Variants in NLGN1 observed in about 807,000 individuals in gnomAD.
NLGN1 encodes the protein neuroligin 1.
NLGN1 carries 12 observed loss-of-function variants against 65.5 expected under a neutral mutation model. The observed-to-expected ratio is 0.18, with a 90% CI of 0.12 to 0.30. NLGN1 has a LOEUF of 0.30. NLGN1 is among the 10% of genes least tolerant of loss of function. The probability of loss-of-function intolerance (pLI) is 1.00; values close to 1 mark genes in which losing one functional copy is unlikely to be tolerated. For missense variants in NLGN1, 750 were observed against 1,007.1 expected (o/e 0.74, Z 3.46); for synonymous variants, 350 against 359.5 (o/e 0.97, Z 0.30).
intron 3 of NLGN1, among the ~76,000 whole-genome samples, chr3:173,722,241 C>CTTTTTTT (rs58327862): frequency 5.0e-5 from 5 of 100,104 alleles, no homozygotes; most frequent in Non-Finnish European, 7.7e-5. Flanking sequence ...TCTTCTTCTT[C>CTTTTTTT]TTTTTTTTTT....
chr3:173,974,071 G>C (rs1240910199), intron 4 of NLGN1, among the ~76,000 whole-genome samples: 1 of 151,922 alleles, frequency 6.6e-6, no homozygotes, highest in African/African-American at 2.4e-5. Flanking sequence ...AGAACAACTT[G>C]AAATCTACAA....
At chr3:173,688,738 C>T (rs1186067151) in intron 3 of NLGN1, among the ~76,000 whole-genome samples, 1 of 152,154 alleles carries the variant, frequency 6.6e-6, no homozygotes, top group Non-Finnish European at 1.5e-5. Flanking sequence ...AATATGTTTT[C>T]AAGCTTAGGT....
chr3:173,905,114 A>G (rs1258819287), intron 4 of NLGN1, among the ~76,000 whole-genome samples: 1 of 152,048 alleles, frequency 6.6e-6, no homozygotes, highest in East Asian at 1.9e-4. Context: ...CAATTTCACT[A>G]TTTCCCTGTC....
intron 3 of NLGN1, among the ~76,000 whole-genome samples, chr3:173,750,427 T>C (rs1209719431): frequency 6.6e-6 from 1 of 152,030 alleles, no homozygotes; most frequent in East Asian, 1.9e-4. Context: ...CCTTTGCAAA[T>C]TGGAGGTTAC....
intron 4 of NLGN1, among the ~76,000 whole-genome samples, chr3:174,191,997 C>T (rs1043370809): frequency 6.6e-6 from 1 of 152,050 alleles, no homozygotes; most frequent in African/African-American, 2.4e-5. Context: ...TGACAGAAGT[C>T]TATGAAAAGA....
intron 3 of NLGN1, among the ~76,000 whole-genome samples, chr3:173,624,972 A>G (rs768803816): frequency 5.9e-5 from 9 of 152,094 alleles, no homozygotes; most frequent in Non-Finnish European, 1.2e-4. Context: ...CAGTGATTTC[A>G]TCCATGTCAG....
chr3:174,158,039 G>C (rs537785272), intron 4 of NLGN1, among the ~76,000 whole-genome samples: 2 of 151,848 alleles, frequency 1.3e-5, no homozygotes, highest in East Asian at 1.9e-4. Context: ...AGCTTCTGGA[G>C]GGTCGTAAGT....
intron 2 of NLGN1, among the ~76,000 whole-genome samples, chr3:173,585,316 A>T (rs929123336): frequency 6.6e-6 from 1 of 152,238 alleles, no homozygotes; most frequent in African/African-American, 2.4e-5. Context: ...TTCTCCTAGC[A>T]ATACTTTAAG....
At chr3:174,067,103 A>C (rs1366342359) in intron 4 of NLGN1, among the ~76,000 whole-genome samples, 3 of 152,134 alleles carry the variant, frequency 2.0e-5, no homozygotes, top group African/African-American at 7.2e-5. Flanking sequence ...CCTTCAGATA[A>C]AGAAAAAAAT....
At chr3:174,241,563 C>G (rs1216736527) in intron 4 of NLGN1, among the ~76,000 whole-genome samples, 1 of 151,370 alleles carries the variant, frequency 6.6e-6, no homozygotes, top group East Asian at 1.9e-4. Flanking sequence ...ACAAAATCAA[C>G]ACAGTCTTTA....
intron 2 of NLGN1, among the ~76,000 whole-genome samples, chr3:173,444,742 A>T (rs548653313): frequency 8.0e-4 from 122 of 152,144 alleles, no homozygotes; most frequent in Non-Finnish European, 1.3e-3. Flanking sequence ...CTATATATAC[A>T]CATATATACA....
intron 2 of NLGN1, among the ~76,000 whole-genome samples, chr3:173,488,245 T>C (rs1406115129): frequency 6.6e-6 from 1 of 152,084 alleles, no homozygotes; most frequent in Non-Finnish European, 1.5e-5. Context: ...CATCATTTTA[T>C]ATATTCATAC....
intron 4 of NLGN1, among the ~76,000 whole-genome samples, chr3:174,190,532 A>G (rs749580202): frequency 4.6e-5 from 7 of 152,042 alleles, no homozygotes; most frequent in Non-Finnish European, 8.8e-5. Context: ...AACTATGTTC[A>G]CTGAAATCAC....
At chr3:173,566,884 T>A (rs1743770714) in intron 2 of NLGN1, among the ~76,000 whole-genome samples, 1 of 152,128 alleles carries the variant, frequency 6.6e-6, no homozygotes, top group Non-Finnish European at 1.5e-5. Context: ...TAAATGAAAT[T>A]TTCCTCTATT....
At chr3:173,741,858 A>G (rs902134003) in intron 3 of NLGN1, among the ~76,000 whole-genome samples, 18 of 152,108 alleles carry the variant, frequency 1.2e-4, no homozygotes, top group Non-Finnish European at 4.4e-5. Context: ...TACAAGTTAC[A>G]AAGACTGAGA....
intron 4 of NLGN1, among the ~76,000 whole-genome samples, chr3:174,027,865 G>A (rs545743501): frequency 6.6e-6 from 1 of 152,242 alleles, no homozygotes; most frequent in African/African-American, 2.4e-5. Context: ...CCCCACTTAA[G>A]TCTCACCTTG....
intron 4 of NLGN1, among the ~76,000 whole-genome samples, chr3:173,919,818 C>T (rs950716908): frequency 6.6e-5 from 10 of 151,974 alleles, no homozygotes; most frequent in African/African-American, 2.2e-4. Context: ...TAAATATGCA[C>T]AGTTTTGCTA....
chr3:173,970,141 A>G (rs1357157148), intron 4 of NLGN1, among the ~76,000 whole-genome samples: 2 of 152,134 alleles, frequency 1.3e-5, no homozygotes, highest in Admixed American at 6.6e-5. Flanking sequence ...CATTTTCCCA[A>G]TGCAAAACCA....
chr3:173,564,185 A>G (rs372647886), intron 2 of NLGN1, among the ~76,000 whole-genome samples: 2 of 152,176 alleles, frequency 1.3e-5, no homozygotes, highest in African/African-American at 2.4e-5. Flanking sequence ...TTTCTACTCA[A>G]AAGAAGTTAG....
Sources: allele counts gnomAD v4.1 joint callset (sites outside exome capture counted in the v4.1 genomes callset), GRCh38; gene constraint gnomAD v4.1.1; transcripts MANE v1.5; gene names NCBI Gene and HGNC (gene_info 2026-07-23, HGNC 2026-07-21).